Variants in NIPAL2 observed in about 807,000 individuals in gnomAD.
The protein encoded by NIPAL2 is NIPA-like protein 2.
NIPAL2 carries 43 observed loss-of-function variants against 48.9 expected under a neutral mutation model. The observed-to-expected ratio is 0.88, with a 90% CI of 0.69 to 1.13. NIPAL2 has a LOEUF of 1.13. Ranked by LOEUF, NIPAL2 falls within the 50% of genes most tolerant of loss-of-function variation. The pLI is 0.00. For synonymous variants in NIPAL2, 167 were observed against 174.6 expected (o/e 0.96, Z 0.34); for missense variants, 446 against 461.4 (o/e 0.97, Z 0.31).
At chr8:98,259,545 G>A (rs4451278) in intron 1 of NIPAL2, among the ~76,000 whole-genome samples, 3,336 of 152,162 alleles carry the variant, frequency 0.022, 100 homozygotes, top group African/African-American at 0.074. Flanking sequence ...CCCTATATCC[G>A]TGCCCTTGGC....
At chr8:98,238,515 T>G (rs1264020387) in intron 3 of NIPAL2, among the ~76,000 whole-genome samples, 1 of 152,200 alleles carries the variant, frequency 6.6e-6, no homozygotes, top group Admixed American at 6.5e-5. Flanking sequence ...AATTTGAATG[T>G]GACTATATCT....
chr8:98,202,804 A>G (rs1810864752), intron 8 of NIPAL2, among the ~76,000 whole-genome samples: 1 of 152,254 alleles, frequency 6.6e-6, no homozygotes, highest in Non-Finnish European at 1.5e-5. Flanking sequence ...CAACAAGAAC[A>G]AAGATGAGTG....
chr8:98,195,686 T>G, intron 9 of NIPAL2: 1 of 350,550 alleles, frequency 2.9e-6, no homozygotes, highest in Non-Finnish European at 5.2e-6. Context: ...CAAGGGCCAG[T>G]GGATGTATCT....
intron 3 of NIPAL2, among the ~76,000 whole-genome samples, chr8:98,239,211 A>G (rs1345591039): frequency 2.6e-5 from 4 of 152,202 alleles, no homozygotes; most frequent in African/African-American, 9.6e-5. Flanking sequence ...TCTAAACTTG[A>G]TAATTGGGAA....
chr8:98,256,072 G>A (rs1351352013), intron 1 of NIPAL2, among the ~76,000 whole-genome samples: 1 of 151,902 alleles, frequency 6.6e-6, no homozygotes, highest in Non-Finnish European at 1.5e-5. Context: ...CCAGAGTGCA[G>A]TGGCATGACC....
At chr8:98,229,758 A>G (rs1185038406) in intron 4 of NIPAL2, among the ~76,000 whole-genome samples, 3 of 152,208 alleles carry the variant, frequency 2.0e-5, no homozygotes, top group Admixed American at 6.5e-5. Context: ...TTATGGTATA[A>G]TCAGCATCAT....
chr8:98,261,112 C>G (rs1394815536), intron 1 of NIPAL2, among the ~76,000 whole-genome samples: 2 of 150,950 alleles, frequency 1.3e-5, no homozygotes, highest in South Asian at 2.1e-4. Context: ...GACATCCACA[C>G]CAAAAACCCA....
intron 1 of NIPAL2, among the ~76,000 whole-genome samples, chr8:98,282,312 C>G (rs756755341): frequency 2.6e-5 from 4 of 152,074 alleles, no homozygotes; most frequent in Non-Finnish European, 5.9e-5. Context: ...GGTGCTAAGA[C>G]ACAAAGAACT....
At chr8:98,286,440 T>A (rs1339740434) in intron 1 of NIPAL2, among the ~76,000 whole-genome samples, 1 of 152,128 alleles carries the variant, frequency 6.6e-6, no homozygotes, top group Non-Finnish European at 1.5e-5. Context: ...ATGGAGCTCA[T>A]AACTAAATAT....
At chr8:98,224,252 C>G (rs929471055) in intron 4 of NIPAL2, among the ~76,000 whole-genome samples, 1 of 152,172 alleles carries the variant, frequency 6.6e-6, no homozygotes, top group African/African-American at 2.4e-5. Context: ...ACTAGTTTTC[C>G]TCCTCAAAGT....
chr8:98,252,855 C>T (rs193048979), intron 2 of NIPAL2, among the ~76,000 whole-genome samples: 361 of 152,138 alleles, frequency 2.4e-3, no homozygotes, highest in African/African-American at 8.4e-3. Context: ...CCCCCCGATC[C>T]ACGGATTCAT....
At chr8:98,224,407 C>G (rs1300940971) in intron 4 of NIPAL2, among the ~76,000 whole-genome samples, 1 of 151,088 alleles carries the variant, frequency 6.6e-6, no homozygotes, top group African/African-American at 2.4e-5. Context: ...CTGCTTAGAA[C>G]ATTTTGGAGG....
chr8:98,283,584 T>C (rs1392595188), intron 1 of NIPAL2, among the ~76,000 whole-genome samples: 7 of 152,222 alleles, frequency 4.6e-5, no homozygotes, highest in Admixed American at 4.6e-4. Flanking sequence ...TAACAACCCA[T>C]AATCCTTTGT....
intron 1 of NIPAL2, among the ~76,000 whole-genome samples, chr8:98,276,012 T>G (rs1815437501): frequency 1.3e-5 from 2 of 152,234 alleles, no homozygotes; most frequent in Admixed American, 1.3e-4. Context: ...TTCTCCCTGC[T>G]GCCACACATG....
At chr8:98,240,993 C>T (rs1017452626) in intron 3 of NIPAL2, among the ~76,000 whole-genome samples, 3 of 152,182 alleles carry the variant, frequency 2.0e-5, no homozygotes, top group Non-Finnish European at 4.4e-5. Context: ...ATTCTCCTTG[C>T]TTGAACATTT....
At chr8:98,205,676 A>AAGAG (rs1810998389) in intron 6 of NIPAL2, among the ~76,000 whole-genome samples, 1 of 152,232 alleles carries the variant, frequency 6.6e-6, no homozygotes, top group South Asian at 2.1e-4. Flanking sequence ...AACCAAGTAG[A>AAGAG]TGAGAAGACT....
chr8:98,218,667 C>T lies in NIPAL2; in HGVS notation c.558+3812G>A, dbSNP rs145605049. Among the ~76,000 whole-genome samples the T allele has an allele frequency of 5.8e-3, 879 of 152,276 alleles. 11 individuals carry two copies. Among genetic ancestry groups the T allele is most frequent in the African/African-American group, 0.02 (841 of 41,544 alleles). ...TGAGTGATACATTGAGCAACCAATACAAGTTCATATCCTGAAGAAGTGCAG... is the reference window on the plus strand; with the variant it reads ...TGAGTGATACATTGAGCAACCAATATAAGTTCATATCCTGAAGAAGTGCAG... On this transcript the variant is annotated intron_variant, in intron 5 of 10. Transcript: ENST00000430223.
At chr8:98,262,255 CA>C (rs1814391707) in intron 1 of NIPAL2, among the ~76,000 whole-genome samples, 1 of 152,086 alleles carries the variant, frequency 6.6e-6, no homozygotes, top group South Asian at 2.1e-4. Flanking sequence ...ATCATAACGA[CA>C]GGATCAAATT....
chr8:98,266,436 T>A (rs1193979468), intron 1 of NIPAL2, among the ~76,000 whole-genome samples: 4 of 151,180 alleles, frequency 2.6e-5, no homozygotes, highest in South Asian at 4.2e-4. Flanking sequence ...ACCCTGTCTC[T>A]ACTAAAATAT....
Sources: gnomAD v4.1 joint callset for allele counts (sites outside exome capture counted in the v4.1 genomes callset) on GRCh38, gnomAD v4.1.1 for gene constraint, MANE v1.5 for transcripts, NCBI Gene and HGNC (gene_info 2026-07-23, HGNC 2026-07-21) for gene names.